The following MAD1L1 variants were observed in gnomAD, a reference collection of about 807,000 sequenced individuals.
MAD1L1 encodes the protein mitotic spindle assembly checkpoint protein MAD1.
Under a neutral mutation model 96.9 loss-of-function variants are expected in MAD1L1, and 95 were observed. The observed-to-expected ratio is 0.98, with a 90% confidence interval of 0.83 to 1.16. MAD1L1 has a LOEUF of 1.16. MAD1L1 is among the 50% of genes most tolerant of loss of function. MAD1L1 has a pLI of 0.00. For missense variants in MAD1L1, 1,007 were observed against 954.4 expected, an observed-to-expected ratio of 1.06 and a Z score of -0.73; for synonymous variants, 473 against 396.6, an observed-to-expected ratio of 1.19 and a Z score of -2.29.
At chr7:2,067,522 C>T (rs1240008660) in intron 12 of MAD1L1, among the ~76,000 whole-genome samples, 2 of 152,180 alleles carry the variant, frequency 1.3e-5, no homozygotes, top group Non-Finnish European at 2.9e-5. Flanking sequence ...AACACAGTGT[C>T]GCCCCCTCTG....
intron 16 of MAD1L1, among the ~76,000 whole-genome samples, chr7:1,950,608 G>A (rs1024606406): frequency 6.6e-5 from 10 of 152,300 alleles, no homozygotes; most frequent in South Asian, 4.1e-4. Flanking sequence ...AGCGCCAGTC[G>A]ACCCCACACG....
At chr7:2,079,980 C>T (rs560959768) in intron 11 of MAD1L1, 140 of 326,642 alleles carry the variant, frequency 4.3e-4, no homozygotes, top group Admixed American at 1.6e-3. Flanking sequence ...TACCGTCTCC[C>T]GAGGTCAGAG....
chr7:1,984,552 A>G (rs1480878411), intron 14 of MAD1L1, among the ~76,000 whole-genome samples: 1 of 152,216 alleles, frequency 6.6e-6, no homozygotes, highest in Non-Finnish European at 1.5e-5. Flanking sequence ...GCTTTTCCCA[A>G]CAGCGGTGAT....
At chr7:1,972,632 T>C (rs917269635) in intron 15 of MAD1L1, among the ~76,000 whole-genome samples, 7 of 152,042 alleles carry the variant, frequency 4.6e-5, no homozygotes, top group African/African-American at 1.2e-4. Flanking sequence ...CCAGAACTTA[T>C]TGTTTTAATA....
At chr7:2,229,201 G>A (rs1036139279) in intron 3 of MAD1L1, among the ~76,000 whole-genome samples, 7 of 152,206 alleles carry the variant, frequency 4.6e-5, no homozygotes, top group Non-Finnish European at 8.8e-5. Context: ...TCTGGGGACC[G>A]CAGCAGGGAC....
intron 14 of MAD1L1, among the ~76,000 whole-genome samples, chr7:1,983,166 A>C (rs919969719): frequency 7.7e-6 from 1 of 129,758 alleles, no homozygotes; most frequent in Non-Finnish European, 1.5e-5. Flanking sequence ...ACACACACAC[A>C]CACACACACA....
At chr7:2,044,033 A>G (rs573248372) in intron 12 of MAD1L1, among the ~76,000 whole-genome samples, 26 of 152,294 alleles carry the variant, frequency 1.7e-4, no homozygotes, top group African/African-American at 6.0e-4. Flanking sequence ...AACCACAGCA[A>G]AGGCCTGATG....
chr7:2,041,945 C>G lies in MAD1L1; in HGVS notation c.1218+27249G>C, dbSNP rs140615593. Among the ~76,000 whole-genome samples the G allele has an allele frequency of 2.7e-3, 412 of 152,280 alleles. 2 individuals carry two copies. Among genetic ancestry groups the G allele is most frequent in the Admixed American group, 5.2e-3 (79 of 15,294 alleles). On this transcript the variant is annotated intron_variant, in intron 12 of 18. Transcript: ENST00000265854. ...CTCTGTTCCAGAGAGGCGAGCAGAG[C>G]CTGCATCCTACCCAGCCAAGGCCAG...
intron 11 of MAD1L1, among the ~76,000 whole-genome samples, chr7:2,132,491 A>G (rs1788566802): frequency 6.6e-6 from 1 of 151,850 alleles, no homozygotes; most frequent in Admixed American, 6.6e-5. Flanking sequence ...CTGCGTGTCC[A>G]CCATCACGGC....
In MAD1L1 at chr7:1,941,506, G is replaced by GC. The variant is rs1778995898; in HGVS notation, c.1597-4610dup. Among the ~76,000 whole-genome samples the GC allele has an allele frequency of 2.6e-5, 4 of 152,194 alleles. No individual in the cohort carries two copies. The South Asian group carries it at 8.3e-4, about 31-fold the overall frequency. ...TAAACACCAATCCTGTCACCCTCTG[G>GC]CCCCCAACAGTGCAGCGCCCTGCAC... On this transcript the variant is annotated intron_variant, in intron 16 of 18. Transcript: ENST00000265854.
chr7:2,136,394 G>A (rs914063383), intron 11 of MAD1L1, among the ~76,000 whole-genome samples: 4 of 152,102 alleles, frequency 2.6e-5, no homozygotes, highest in Admixed American at 6.5e-5. Flanking sequence ...CCCGCCAGCA[G>A]GCAGGATCAG....
intron 16 of MAD1L1, among the ~76,000 whole-genome samples, chr7:1,956,154 G>C (rs980863620): frequency 6.6e-6 from 1 of 152,166 alleles, no homozygotes; most frequent in Non-Finnish European, 1.5e-5. Flanking sequence ...CAATGGCACA[G>C]CCCTGGGCAT....
chr7:1,884,972 G>C (rs1053333138), intron 18 of MAD1L1, among the ~76,000 whole-genome samples: 3 of 152,326 alleles, frequency 2.0e-5, no homozygotes, highest in African/African-American at 7.2e-5. Flanking sequence ...GTTCATCTCA[G>C]CTTTAGAATC....
In MAD1L1 at chr7:1,957,493, C is replaced by T. The variant is rs1238553821; in HGVS notation, c.1596+136G>A. On this transcript the variant is annotated intron_variant, in intron 16 of 18. Coordinates refer to ENST00000265854, the MANE Select transcript of MAD1L1 (RefSeq NM_001013836.2). ...CCTCCCTGCCAGGCAAGGGGGTGCA[C>T]ATGGGAGGGAGGAGAGTTCAGACAG... 5 of 856,708 alleles carry T rather than the reference C, an allele frequency of 5.8e-6. No homozygotes were observed. The East Asian group carries it at 1.3e-4, about 22-fold the overall frequency. 53.1% of individuals were successfully genotyped at this position (856,708 alleles called of 1,614,324 possible).
intron 11 of MAD1L1, among the ~76,000 whole-genome samples, chr7:2,108,920 G>C (rs1787232118): frequency 6.6e-6 from 1 of 152,240 alleles, no homozygotes; most frequent in South Asian, 2.1e-4. Context: ...AGCTCCTGGG[G>C]AAGTGCAGGG....
chr7:2,212,084 C>T (rs972348281), intron 10 of MAD1L1, among the ~76,000 whole-genome samples: 2 of 151,350 alleles, frequency 1.3e-5, no homozygotes, highest in African/African-American at 4.8e-5. Context: ...CCAGAGCTGC[C>T]AGGAGGTGGT....
chr7:2,140,396 G>GA (rs1788970916), intron 11 of MAD1L1, among the ~76,000 whole-genome samples: 1 of 152,236 alleles, frequency 6.6e-6, no homozygotes, highest in Non-Finnish European at 1.5e-5. Context: ...CTCAGAATCG[G>GA]AGAGTGCACC....
chr7:2,102,035 A>G (rs6944886), intron 11 of MAD1L1, among the ~76,000 whole-genome samples: 26,734 of 151,818 alleles, frequency 0.18, 2,544 homozygotes, highest in Middle Eastern at 0.24. Context: ...CTGACTCAGG[A>G]CTGAGTCTCC....
At chr7:1,921,882 G>C (rs1221294334) in intron 17 of MAD1L1, among the ~76,000 whole-genome samples, 1 of 152,168 alleles carries the variant, frequency 6.6e-6, no homozygotes, top group Non-Finnish European at 1.5e-5. Context: ...TAAGTTTCAA[G>C]TAGATTAAAT....
Sources: allele counts gnomAD v4.1 joint callset (sites outside exome capture counted in the v4.1 genomes callset), GRCh38; gene constraint gnomAD v4.1.1; transcripts MANE v1.5; gene names NCBI Gene and HGNC (gene_info 2026-07-23, HGNC 2026-07-21).